GTF2IRD2: variants seen among roughly 807,000 people sequenced by gnomAD.
GTF2IRD2 encodes the protein general transcription factor II-I repeat domain-containing protein 2A.
GTF2IRD2 carries 8 observed loss-of-function variants against 49.2 expected under a neutral mutation model. The ratio of observed to expected loss-of-function variants is 0.16; its 90% confidence interval spans 0.10 to 0.29. GTF2IRD2 has a LOEUF of 0.29. Ranked by LOEUF, GTF2IRD2 falls within the 10% of genes least tolerant of loss-of-function variation. The pLI is 1.00. For missense variants in GTF2IRD2, 130 were observed against 725.7 expected, an observed-to-expected ratio of 0.18 and a Z score of 9.43; for synonymous variants, 47 against 289.7, an observed-to-expected ratio of 0.16 and a Z score of 8.51.
intron 6 of GTF2IRD2, chr7:74,822,092 G>T (rs782775021): frequency 0.037 from 11,357 of 305,616 alleles, 352 homozygotes; most frequent in Middle Eastern, 0.085. Flanking sequence ...AGTCGCCCAG[G>T]CTGGAGTGCA....
At chr7:74,828,318 TA>T (rs1554419995) in intron 3 of GTF2IRD2, among the ~76,000 whole-genome samples, 5 of 92,932 alleles carry the variant, frequency 5.4e-5, no homozygotes, top group Non-Finnish European at 6.4e-5. Context: ...AAAGGCCATT[TA>T]TAAAAAGTCC....
chr7:74,807,212 C>T (rs1174015675), intron 11 of GTF2IRD2, among the ~76,000 whole-genome samples: 3 of 70,718 alleles, frequency 4.2e-5, no homozygotes, highest in Non-Finnish European at 5.9e-5. Flanking sequence ...CGACCTCCCA[C>T]GGTCAAGTGA....
At chr7:74,842,977 A>G (rs1254911354) in intron 1 of GTF2IRD2, among the ~76,000 whole-genome samples, 2 of 81,478 alleles carry the variant, frequency 2.5e-5, no homozygotes, top group Non-Finnish European at 4.6e-5. Flanking sequence ...CCAGGCTGGA[A>G]TGCAGTGGCA....
intron 1 of GTF2IRD2, among the ~76,000 whole-genome samples, chr7:74,841,874 C>T (rs1416419163): frequency 7.1e-6 from 1 of 140,668 alleles, no homozygotes; most frequent in African/African-American, 2.9e-5. Context: ...GCCTGTAATC[C>T]CAGCACTTTG....
intron 3 of GTF2IRD2, among the ~76,000 whole-genome samples, chr7:74,831,511 A>G (rs1388872233): frequency 1.4e-5 from 2 of 144,634 alleles, no homozygotes; most frequent in Non-Finnish European, 3.1e-5. Context: ...ACATACACAC[A>G]CACACACACA....
chr7:74,835,864 A>G (rs1397506225), intron 2 of GTF2IRD2, among the ~76,000 whole-genome samples: 1 of 111,790 alleles, frequency 8.9e-6, no homozygotes, highest in African/African-American at 6.3e-5. Flanking sequence ...CGGCGCCTGT[A>G]ATCCCAGCTA....
Position 74,825,893 on chromosome 7 carries a change from C to T in GTF2IRD2, c.239-841G>A, listed in dbSNP as rs587738387. ...TCCACTCACTGCAAGTTCTGCCTCC[C>T]GGGTTCACGCCATTCTCCTGCCTCA... On this transcript the variant is annotated intron_variant, in intron 3 of 15. Coordinates refer to ENST00000451013, the MANE Select transcript of GTF2IRD2 (RefSeq NM_173537.5). Among the ~76,000 whole-genome samples, 18 of 151,578 alleles carry T rather than the reference C, an allele frequency of 1.2e-4. 1 individual carries two copies. In the South Asian group the frequency reaches 2.9e-3, roughly 25 times the overall value.
rs1370151484 is a variant in GTF2IRD2, at chr7:74,841,504, G to A, written c.-5-5121C>T. ...TTTCTAAGAGTCAGAGTCTCACAAT[G>A]TCACCCAGGCTGGAGTGCAGTGGCT... On this transcript the variant is annotated intron_variant, in intron 1 of 15. Coordinates refer to ENST00000451013, the MANE Select transcript of GTF2IRD2 (RefSeq NM_173537.5). Among the ~76,000 whole-genome samples the A allele has an allele frequency of 6.7e-5, 9 of 133,576 alleles. 1 individual carries two copies. The highest frequency in any genetic ancestry group is 3.6e-4 in the Admixed American group (5 of 14,042). The allele number at this position is 133,576 out of a possible 152,430, so 87.6% of individuals were successfully genotyped here.
At chr7:74,827,176 A>G (rs1799476185) in intron 3 of GTF2IRD2, among the ~76,000 whole-genome samples, 1 of 150,124 alleles carries the variant, frequency 6.7e-6, no homozygotes, top group Non-Finnish European at 1.5e-5. Flanking sequence ...AGAATGATTT[A>G]TTTTCCTTTG....
intron 3 of GTF2IRD2, among the ~76,000 whole-genome samples, chr7:74,831,247 A>C (rs1261498100): frequency 6.7e-6 from 1 of 149,556 alleles, no homozygotes; most frequent in Admixed American, 6.8e-5. Context: ...ATCTATATAC[A>C]TATATATATA....
chr7:74,830,390 G>C (rs1799744997), intron 3 of GTF2IRD2, among the ~76,000 whole-genome samples: 1 of 148,024 alleles, frequency 6.8e-6, no homozygotes, highest in East Asian at 2.0e-4. Flanking sequence ...TGTAATCTCA[G>C]CTATTTGGAA....
Position 74,836,271 on chromosome 7 carries a change from C to G in GTF2IRD2, c.99+9G>C. On this transcript the variant is annotated intron_variant, in intron 2 of 15. Transcript: ENST00000451013. ...TATGGAATGTCAGACAAGTGTCAGG[C>G]TGTCTCACCATGGATTCGAGGGCAG... 6.2e-7 allele frequency: 1 copy of G among 1,609,584 alleles called. No homozygotes were observed. Among genetic ancestry groups the G allele is most frequent in the South Asian group, 1.1e-5 (1 of 91,064 alleles).
chr7:74,796,390 C>A lies in GTF2IRD2; in HGVS notation c.*272G>T. ...GACCAGCCTGGCCAACATGGTGAAACCTCATCTCTACTAATACAAAAATTA... is the reference window on the plus strand; with the variant it reads ...GACCAGCCTGGCCAACATGGTGAAAACTCATCTCTACTAATACAAAAATTA... On this transcript the variant is annotated 3_prime_UTR_variant, in exon 16 of 16. Transcript: ENST00000451013. 4.8e-6 allele frequency: 2 copies of A among 414,382 alleles called. No individual in the cohort carries two copies. The highest frequency in any genetic ancestry group is 9.1e-6 in the Non-Finnish European group (2 of 219,928). The allele number at this position is 414,382 out of a possible 1,614,324, so 25.7% of individuals were successfully genotyped here. A position where few individuals can be genotyped will look rare whatever the true frequency, so the allele number is the denominator to read the frequency against.
chr7:74,814,005 G>A (rs1798348862), intron 8 of GTF2IRD2, among the ~76,000 whole-genome samples: 1 of 77,288 alleles, frequency 1.3e-5, no homozygotes, highest in Non-Finnish European at 3.4e-5. Context: ...ATCCCAGGAT[G>A]TACATCCCTT....
intron 9 of GTF2IRD2, among the ~76,000 whole-genome samples, chr7:74,811,537 A>ATTGTT (rs1312041285): frequency 5.5e-5 from 5 of 91,546 alleles, no homozygotes; most frequent in South Asian, 4.7e-4. Flanking sequence ...CTTAGGTCTG[A>ATTGTT]TTGTTTTGTT....
chr7:74,830,177 G>C lies in GTF2IRD2; in HGVS notation c.238+2628C>G, dbSNP rs1799721285. On this transcript the variant is annotated intron_variant, in intron 3 of 15. Transcript: ENST00000451013. ...AGCCCAGGAATTTATGACCAGACTG[G>C]GTAATATAGCAAAACCCTGTCTCAA... 5.0e-5 allele frequency among the ~76,000 whole-genome samples: 5 copies of C among 99,428 alleles called. No individual in the cohort carries two copies. In the Admixed American group the frequency reaches 5.7e-4, roughly 11 times the overall value. 65.2% of individuals were successfully genotyped at this position (99,428 alleles called of 152,430 possible). A position where few individuals can be genotyped will look rare whatever the true frequency, so the allele number is the denominator to read the frequency against.
intron 3 of GTF2IRD2, among the ~76,000 whole-genome samples, chr7:74,829,890 A>AC (rs1563018277): frequency 1.2e-5 from 1 of 82,548 alleles, no homozygotes; most frequent in Non-Finnish European, 2.7e-5. Flanking sequence ...TCTGTCTCAA[A>AC]AAAAAAAAAA....
chr7:74,796,200 C>G lies in GTF2IRD2; in HGVS notation c.*462G>C. ...AGTGAGGCATACAATGTAATATAAA[C>G]AAGTATGATACTGCAGATTATATTT... On this transcript the variant is annotated 3_prime_UTR_variant, in exon 16 of 16. Transcript: ENST00000451013. The G allele has an allele frequency of 5.0e-6, 1 of 200,044 alleles. No homozygotes were observed. Among genetic ancestry groups the G allele is most frequent in the Non-Finnish European group, 1.0e-5 (1 of 99,476 alleles). 12.4% of individuals were successfully genotyped at this position (200,044 alleles called of 1,614,324 possible).
Position 74,841,174 on chromosome 7 carries a change from G to GT in GTF2IRD2, c.-5-4792dup, listed in dbSNP as rs1177792716. Among the ~76,000 whole-genome samples, 1,099 of 135,176 alleles carry GT rather than the reference G, an allele frequency of 8.1e-3. 73 individuals are homozygous for GT. Among genetic ancestry groups the GT allele is most frequent in the African/African-American group, 0.029 (975 of 33,298 alleles). The allele number at this position is 135,176 out of a possible 152,430, so 88.7% of individuals were successfully genotyped here. On this transcript the variant is annotated intron_variant, in intron 1 of 15. Transcript: ENST00000451013. ...TTATTTTATATATATATATGTATTGGTTTTTTTTTTTGACATGGAGTCTCA... is the reference window on the plus strand; with the variant it reads ...TTATTTTATATATATATATGTATTGGTTTTTTTTTTTTGACATGGAGTCTCA...
Sources: gnomAD v4.1 joint callset for allele counts (sites outside exome capture counted in the v4.1 genomes callset) on GRCh38, gnomAD v4.1.1 for gene constraint, MANE v1.5 for transcripts, NCBI Gene and HGNC (gene_info 2026-07-23, HGNC 2026-07-21) for gene names.